FBXL16: variants seen among roughly 807,000 people sequenced by gnomAD.
FBXL16 encodes F-box/LRR-repeat protein 16.
Under a neutral mutation model 36.7 loss-of-function variants are expected in FBXL16, and 7 were observed. The ratio of observed to expected loss-of-function variants is 0.19; its 90% CI spans 0.11 to 0.36. The LOEUF is 0.36. Among genes scored for constraint, FBXL16 ranks in the 10% least tolerant of loss-of-function variants. FBXL16 has a pLI of 1.00. For missense variants in FBXL16, 463 were observed against 659.4 expected (o/e 0.70, Z 3.26); for synonymous variants, 355 against 308.7 (o/e 1.15, Z -1.57).
intron 1 of FBXL16, among the ~76,000 whole-genome samples, chr16:699,446 G>A (rs1427638800): frequency 1.3e-5 from 2 of 152,288 alleles, no homozygotes; most frequent in South Asian, 4.1e-4. Context: ...GGGGTCACAC[G>A]CCCTGGACTT....
chr16:696,107 C>T, intron 2 of FBXL16, 184 bp from the exon 3 acceptor site: 1 of 852,176 alleles, frequency 1.2e-6, no homozygotes, highest in Admixed American at 3.2e-5. Flanking sequence ...GCGTTGGCAC[C>T]AGCGTTACAA....
chr16:696,071 G>GCACCT, intron 2 of FBXL16, 148 bp from the exon 3 acceptor site: 1 of 1,240,608 alleles, frequency 8.1e-7, no homozygotes, highest in Non-Finnish European at 1.1e-6. Flanking sequence ...CGAGAGCCCA[G>GCACCT]GGCCTGGCCA....
rs2039994596 is a variant in FBXL16, at chr16:694,428, G to A, written c.1292-5C>T. 1 of 1,541,578 alleles carries A rather than the reference G, an allele frequency of 6.5e-7. No homozygotes were observed. The highest frequency in any genetic ancestry group is 8.7e-7 in the Non-Finnish European group (1 of 1,152,534). ...TGGTGGTGAGCAGCGGGCAGCCTGC[G>A]GCGGGGTCAGAGGGCGGCTCAGTGC... On this transcript the variant is annotated splice_region_variant and splice_polypyrimidine_tract_variant and intron_variant, in intron 5 of 5. Transcript: ENST00000397621.
At chr16:701,081 G>A (rs1368563930) in intron 1 of FBXL16, among the ~76,000 whole-genome samples, 1 of 152,184 alleles carries the variant, frequency 6.6e-6, no homozygotes, top group African/African-American at 2.4e-5. Flanking sequence ...AGGCATTCGC[G>A]GGGCTCCTTT....
In FBXL16 at chr16:693,511, G is replaced by C. The variant is rs1479662151; in HGVS notation, c.*764C>G. The C allele has an allele frequency of 1.3e-5, 2 of 152,668 alleles. No individual in the cohort carries two copies. The highest frequency in any genetic ancestry group is 3.9e-4 in the East Asian group (2 of 5,192). The allele number at this position is 152,668 out of a possible 1,614,324, so 9.5% of individuals were successfully genotyped here. On this transcript the variant is annotated 3_prime_UTR_variant, in exon 6 of 6. Coordinates refer to ENST00000397621, the MANE Select transcript of FBXL16 (RefSeq NM_153350.4). ...TGGGATCACGTTAATGACTCCAAGC[G>C]ATCGCCAGCCCTTCCGCCCTCTCCC...
intron 1 of FBXL16, among the ~76,000 whole-genome samples, chr16:700,363 G>A (rs1204822433): frequency 6.6e-6 from 1 of 152,200 alleles, no homozygotes; most frequent in South Asian, 2.1e-4. Flanking sequence ...GGCACCCACA[G>A]CCGGTGACCC....
intron 1 of FBXL16, among the ~76,000 whole-genome samples, chr16:700,827 C>A (rs1183635199): frequency 3.9e-5 from 6 of 152,076 alleles, no homozygotes; most frequent in Non-Finnish European, 5.9e-5. Flanking sequence ...GCGCTCAGGG[C>A]CAGGCCCGGG....
intron 2 of FBXL16, 72 bp from the exon 3 acceptor site, chr16:695,995 T>C: frequency 6.7e-7 from 1 of 1,500,304 alleles, no homozygotes; most frequent in Non-Finnish European, 8.9e-7. Context: ...AGCAGTAGGG[T>C]GTAAACATGC....
At position 693,402 on chromosome 16, in the gene FBXL16, C is replaced by T. The variant is rs1352119912; in HGVS notation, c.*873G>A. On this transcript the variant is annotated 3_prime_UTR_variant, in exon 6 of 6. Transcript: ENST00000397621. ...GCTGAGGTGTGAGGTCGGCCCAGGCCTCTTCCCAGGCCTGAGGGTGGCTAC... is the reference window on the plus strand; with the variant it reads ...GCTGAGGTGTGAGGTCGGCCCAGGCTTCTTCCCAGGCCTGAGGGTGGCTAC... 1 of 152,440 alleles carries T rather than the reference C, an allele frequency of 6.6e-6. No homozygotes were observed. The highest frequency in any genetic ancestry group is 1.5e-5 in the Non-Finnish European group (1 of 68,100). The allele number at this position is 152,440 out of a possible 1,614,324, so 9.4% of individuals were successfully genotyped here. A position where few individuals can be genotyped will look rare whatever the true frequency, so the allele number is the denominator to read the frequency against.
chr16:694,736 G>C (rs1314100636), intron 4 of FBXL16, 39 bp from the exon 5 acceptor site: 1 of 1,565,740 alleles, frequency 6.4e-7, no homozygotes, highest in Admixed American at 1.8e-5. Flanking sequence ...ATTTCCGCTC[G>C]CACCGAGGCG....
At position 697,064 on chromosome 16, in the gene FBXL16, C is replaced by T. The variant is rs1454411176; in HGVS notation, c.342G>A (p.Lys114=). ...GLFWYFSACE[K]CVLAQVCKAW... Reference sequence around the variant, plus strand: ...CCTTGCACACCTGGGCCAGCACACACTTCTCGCAGGCCGAGAAATACCAGA... The same window carrying T: ...CCTTGCACACCTGGGCCAGCACACATTTCTCGCAGGCCGAGAAATACCAGA... The change falls in exon 2 of 6, where the codon AAG becomes AAA. Residue 114 remains lysine (K), a synonymous_variant. Transcript: ENST00000397621. This position sits in a 1 kb window ranked among gnomAD's most constrained non-coding sequence, Gnocchi z 4.6. 5.0e-6 allele frequency: 8 copies of T among 1,604,616 alleles called. No homozygotes were observed. Among genetic ancestry groups the T allele is most frequent in the Non-Finnish European group, 6.8e-6 (8 of 1,175,700 alleles).
chr16:697,289 C>G lies in FBXL16; in HGVS notation c.117G>C (p.Thr39=), dbSNP rs767753989. Residue 39 remains threonine, a synonymous_variant, in exon 2 of 6, where the codon ACG becomes ACC. Transcript: ENST00000397621. This position sits in a 1 kb window ranked among gnomAD's most constrained non-coding sequence, Gnocchi z 4.6. ...GLGAASITKG[T]PATKNRPCQP... is the part of the protein sequence containing the mutation. ...GGCAGGGGCGGTTCTTGGTGGCTGG[C>G]GTGCCCTTGGTGATGCTGGCCGCAC... 6.5e-7 allele frequency: 1 copy of G among 1,527,704 alleles called. No individual in the cohort carries two copies. The highest frequency in any genetic ancestry group is 2.5e-5 in the East Asian group (1 of 40,774). The allele number at this position is 1,527,704 out of a possible 1,614,324, so 94.6% of individuals were successfully genotyped here.
At position 692,660 on chromosome 16, in the gene FBXL16, T is replaced by G. The variant is rs2039979639; in HGVS notation, c.*1615A>C. On this transcript the variant is annotated 3_prime_UTR_variant, in exon 6 of 6. Transcript: ENST00000397621. ...TGATTTTAGGGGTTGGTTGGTTTTGTTTTCCTCTCTCCCCTTAATTTTTCC... is the reference window on the plus strand; with the variant it reads ...TGATTTTAGGGGTTGGTTGGTTTTGGTTTCCTCTCTCCCCTTAATTTTTCC... 6.6e-6 allele frequency: 1 copy of G among 152,590 alleles called. No homozygotes were observed. Among genetic ancestry groups the G allele is most frequent in the Non-Finnish European group, 1.5e-5 (1 of 68,044 alleles). The allele number at this position is 152,590 out of a possible 1,614,324, so 9.5% of individuals were successfully genotyped here.
rs2151521006 is a variant in FBXL16, at chr16:697,617, G to A, written c.-14-198C>T. Among the ~76,000 whole-genome samples the A allele has an allele frequency of 6.6e-6, 1 of 152,260 alleles. No homozygotes were observed. The highest frequency in any genetic ancestry group is 1.5e-5 in the Non-Finnish European group (1 of 68,004). On this transcript the variant is annotated intron_variant, in intron 1 of 5. Transcript: ENST00000397621. The surrounding 1 kb of genome is among the most constrained non-coding windows in gnomAD (Gnocchi z 4.6). ...AACAGGAAGCCAACCATGGCCACTG[G>A]CAGCACTCACTGGGCACCTACGGTA...
At chr16:698,345 A>G (rs542778286) in intron 1 of FBXL16, among the ~76,000 whole-genome samples, 80 of 150,342 alleles carry the variant, frequency 5.3e-4, no homozygotes, top group African/African-American at 2.0e-3. Context: ...AAACGCCGAC[A>G]CTTTTTAGCA....
intron 1 of FBXL16, among the ~76,000 whole-genome samples, chr16:698,913 C>CAAAAAAAAAA (rs767619638): frequency 7.8e-5 from 7 of 89,722 alleles, no homozygotes; most frequent in African/African-American, 1.6e-4. Flanking sequence ...GACTTTGTCT[C>CAAAAAAAAAA]AAAAAAAAAA....
rs756693846 is a variant in FBXL16, at chr16:692,887, ATCTCTCTCTCTCTTTCTC to A, written c.*1370_*1387del. 6.6e-6 allele frequency: 1 copy of A among 152,046 alleles called. No individual in the cohort carries two copies. Among genetic ancestry groups the A allele is most frequent in the Non-Finnish European group, 1.5e-5 (1 of 67,940 alleles). 9.4% of individuals were successfully genotyped at this position (152,046 alleles called of 1,614,324 possible). ...GTTGATCTGTTTCTGATTCAACAGC[ATCTCTCTCTCTCTTTCTC>A]TCTCTCTCTCACTCTCTTTCTCTCT... On this transcript the variant is annotated 3_prime_UTR_variant, in exon 6 of 6. Transcript: ENST00000397621.
chr16:697,723 G>A lies in FBXL16; in HGVS notation c.-14-304C>T, dbSNP rs944496788. Among the ~76,000 whole-genome samples the A allele has an allele frequency of 6.6e-5, 10 of 151,962 alleles. No homozygotes were observed. The highest frequency in any genetic ancestry group is 1.3e-4 in the Non-Finnish European group (9 of 67,996). The stretch of plus-strand genomic sequence containing the variant: ...TTCTTTTTGAAACAGAGTTCCGGCC[G>A]GGCGCGGTGGCTCATGCCTGTAATC... On this transcript the variant is annotated intron_variant, in intron 1 of 5. Coordinates refer to ENST00000397621, the MANE Select transcript of FBXL16 (RefSeq NM_153350.4). This position sits in a 1 kb window ranked among gnomAD's most constrained non-coding sequence, Gnocchi z 4.6.
At position 695,515 on chromosome 16, in the gene FBXL16, G is replaced by A. The variant is rs753184621; in HGVS notation, c.1042C>T (p.Leu348=). The A allele has an allele frequency of 6.3e-7, 1 of 1,596,968 alleles. No individual in the cohort carries two copies. The highest frequency in any genetic ancestry group is 1.1e-5 in the South Asian group (1 of 90,086). ...VELVAENLRK[L]RSLDLSWCPR... The stretch of plus-strand genomic sequence containing the variant: ...CACCACGAGAGGTCAAGGCTGCGCA[G>A]CTTGCGCAGGTTCTCGGCCACGAGC... The change falls in exon 3 of 6, where the codon CTG becomes TTG. Residue 348 remains leucine, a synonymous_variant. Coordinates refer to ENST00000397621, the MANE Select transcript of FBXL16 (RefSeq NM_153350.4).
Sources: allele counts gnomAD v4.1 joint callset (sites outside exome capture counted in the v4.1 genomes callset), GRCh38; gene constraint gnomAD v4.1.1; non-coding constraint Gnocchi (gnomAD v3.1); transcripts MANE v1.5; gene names NCBI Gene and HGNC (gene_info 2026-07-23, HGNC 2026-07-21).